The following DCPS variants were observed in gnomAD, a reference collection of about 807,000 sequenced individuals.
DCPS encodes m7GpppX diphosphatase.
A neutral mutation model predicts 34.7 loss-of-function variants in DCPS; 27 were observed. That is an observed-to-expected ratio of 0.78 (90% CI 0.57 to 1.07). The LOEUF (loss-of-function observed/expected upper bound fraction) is 1.07. DCPS is among the 50% of genes least tolerant of loss of function. The probability of loss-of-function intolerance (pLI) is 0.00; values close to 1 mark genes in which losing one functional copy is unlikely to be tolerated. For missense variants in DCPS, 464 were observed against 436.9 expected (o/e 1.06, Z -0.55); for synonymous variants, 185 against 185.7 (o/e 1.00, Z 0.03).
In DCPS at chr11:126,315,033, A is replaced by T. The variant is rs1951647679; in HGVS notation, c.376+8289A>T. On this transcript the variant is annotated intron_variant, in intron 2 of 5. Transcript: ENST00000263579. The surrounding 1 kb of genome is among the most constrained non-coding windows in gnomAD (Gnocchi z 6.1). ...CTCTACCGTAAAGACACATGCACACATATGTTCATTGTAGAGCTATTCATG... is the reference window on the plus strand; with the variant it reads ...CTCTACCGTAAAGACACATGCACACTTATGTTCATTGTAGAGCTATTCATG... Among the ~76,000 whole-genome samples the T allele has an allele frequency of 6.6e-6, 1 of 152,154 alleles. No individual in the cohort carries two copies. Among genetic ancestry groups the T allele is most frequent in the South Asian group, 2.1e-4 (1 of 4,834 alleles).
rs1296639008 is a variant in DCPS, at chr11:126,325,437, A to T, written c.377-5968A>T. 6.6e-6 allele frequency among the ~76,000 whole-genome samples: 1 copy of T among 152,180 alleles called. No individual in the cohort carries two copies. Among genetic ancestry groups the T allele is most frequent in the South Asian group, 2.1e-4 (1 of 4,832 alleles). On this transcript the variant is annotated intron_variant, in intron 2 of 5. Coordinates refer to ENST00000263579, the MANE Select transcript of DCPS (RefSeq NM_014026.6). This position sits in a 1 kb window ranked among gnomAD's most constrained non-coding sequence, Gnocchi z 4.3. ...TGTGTGCATTTGGTGAAGGGATGGT[A>T]AAAAGAGATAAATTCTCATCTTCCT...
At chr11:126,304,573 T>C (rs546036549) in intron 1 of DCPS, among the ~76,000 whole-genome samples, 117 of 152,222 alleles carry the variant, frequency 7.7e-4, no homozygotes, top group Non-Finnish European at 1.3e-3. Flanking sequence ...CCCCAAGCCA[T>C]TCATCATCCA....
chr11:126,322,941 C>T lies in DCPS; in HGVS notation c.377-8464C>T, dbSNP rs143609144. On this transcript the variant is annotated intron_variant, in intron 2 of 5. Coordinates refer to ENST00000263579, the MANE Select transcript of DCPS (RefSeq NM_014026.6). This position sits in a 1 kb window ranked among gnomAD's most constrained non-coding sequence, Gnocchi z 4.2. ...CTCCCGAGTTCAAGTGATTCTCCCA[C>T]TTCACCTTCCCGAGTAGTGGCGACC... Among the ~76,000 whole-genome samples the T allele has an allele frequency of 2.1e-4, 32 of 152,330 alleles. No individual in the cohort carries two copies. The highest frequency in any genetic ancestry group is 6.8e-3 in the Middle Eastern group (2 of 294).
rs1056363047 is a variant in DCPS at position 126,347,483 on chromosome 11, C to A, written c.*1870C>A. On this transcript the variant is annotated 3_prime_UTR_variant, in exon 6 of 6. Transcript: ENST00000263579. The surrounding 1 kb of genome is among the most constrained non-coding windows in gnomAD (Gnocchi z 4.2). The stretch of plus-strand genomic sequence containing the variant: ...AGGTGATCCACCCATCTCGGCCTCC[C>A]AAAGTGCTGGGATTCCAGGCGTGAG... Among the ~76,000 whole-genome samples, 3 of 152,130 alleles carry A rather than the reference C, an allele frequency of 2.0e-5. No individual in the cohort carries two copies. Among genetic ancestry groups the A allele is most frequent in the African/African-American group, 7.2e-5 (3 of 41,430 alleles).
Position 126,337,940 on chromosome 11 carries a change from G to C in DCPS, c.523-346G>C, listed in dbSNP as rs193106749. On this transcript the variant is annotated intron_variant, in intron 3 of 5. Transcript: ENST00000263579. The surrounding 1 kb of genome is among the most constrained non-coding windows in gnomAD (Gnocchi z 5.3). Reference sequence around the variant, plus strand: ...CCCTGAGTCCTGTGAGCGGTGGAGGGGGTCACTGCTATAGAGGGCAGACAC... The same window carrying C: ...CCCTGAGTCCTGTGAGCGGTGGAGGCGGTCACTGCTATAGAGGGCAGACAC... 2 of 248,336 alleles carry C rather than the reference G, an allele frequency of 8.1e-6. No homozygotes were observed. Among genetic ancestry groups the C allele is most frequent in the Admixed American group, 4.9e-5 (1 of 20,478 alleles). The allele number at this position is 248,336 out of a possible 1,614,324, so 15.4% of individuals were successfully genotyped here. A position where few individuals can be genotyped will look rare whatever the true frequency, so the allele number is the denominator to read the frequency against.
intron 2 of DCPS, among the ~76,000 whole-genome samples, chr11:126,314,667 G>A (rs1951644981): frequency 6.6e-6 from 1 of 152,096 alleles, no homozygotes; most frequent in South Asian, 2.1e-4. Context: ...GCCATAAAAA[G>A]GAATGAAATA....
At position 126,312,723 on chromosome 11, in the gene DCPS, G is replaced by A. The variant is rs2135312416; in HGVS notation, c.376+5979G>A. On this transcript the variant is annotated intron_variant, in intron 2 of 5. Transcript: ENST00000263579. This position sits in a 1 kb window ranked among gnomAD's most constrained non-coding sequence, Gnocchi z 5.1. ...CCTGGATTAGGACCCATTAAGAGAA[G>A]GTGTATAGAGCACGTGGCACAGTAG... Among the ~76,000 whole-genome samples, 1 of 152,252 alleles carries A rather than the reference G, an allele frequency of 6.6e-6. No homozygotes were observed. Among genetic ancestry groups the A allele is most frequent in the South Asian group, 2.1e-4 (1 of 4,826 alleles).
chr11:126,345,681 C>A lies in DCPS; in HGVS notation c.*68C>A. 1 of 1,561,110 alleles carries A rather than the reference C, an allele frequency of 6.4e-7. No homozygotes were observed. Among genetic ancestry groups the A allele is most frequent in the Non-Finnish European group, 8.6e-7 (1 of 1,156,590 alleles). On this transcript the variant is annotated 3_prime_UTR_variant, in exon 6 of 6. Coordinates refer to ENST00000263579, the MANE Select transcript of DCPS (RefSeq NM_014026.6). The surrounding 1 kb of genome is among the most constrained non-coding windows in gnomAD (Gnocchi z 7.4). ...GGAGTGGGGACAAGATTTTTTATCT[C>A]CAAGTGAATTTTCTAAAAATGTATT...
At chr11:126,330,198 C>T (rs1052027133) in intron 2 of DCPS, among the ~76,000 whole-genome samples, 2 of 141,114 alleles carry the variant, frequency 1.4e-5, no homozygotes, top group African/African-American at 5.2e-5. Flanking sequence ...TTTCAGGGGA[C>T]ACATTGGCAA....
In DCPS at chr11:126,345,863, C is replaced by A; in HGVS notation, c.*250C>A. The A allele has an allele frequency of 1.7e-6, 1 of 578,070 alleles. No individual in the cohort carries two copies. The highest frequency in any genetic ancestry group is 3.0e-6 in the Non-Finnish European group (1 of 334,562). 35.8% of individuals were successfully genotyped at this position (578,070 alleles called of 1,614,324 possible). ...GAAAGTCTCCAGGTGGTGGTTTCAA[C>A]TGACAGGTGGGAGCTGCCCTGGAAG... On this transcript the variant is annotated 3_prime_UTR_variant, in exon 6 of 6. Coordinates refer to ENST00000263579, the MANE Select transcript of DCPS (RefSeq NM_014026.6). This position sits in a 1 kb window ranked among gnomAD's most constrained non-coding sequence, Gnocchi z 7.4.
At chr11:126,343,746 A>G (rs1235510373) in intron 5 of DCPS, among the ~76,000 whole-genome samples, 2 of 152,118 alleles carry the variant, frequency 1.3e-5, no homozygotes, top group African/African-American at 4.8e-5. Flanking sequence ...AACCATGACA[A>G]CCACATCATG....
At chr11:126,311,705 G>T (rs1951619597) in intron 2 of DCPS, among the ~76,000 whole-genome samples, 2 of 152,204 alleles carry the variant, frequency 1.3e-5, no homozygotes, top group South Asian at 4.1e-4. Context: ...GGGTGGGATG[G>T]TGGCAGGGGT....
In DCPS at chr11:126,349,860, T is replaced by C. The variant is rs1040272523; in HGVS notation, c.*4247T>C. ...CTAAGTTTGTTCTATTATAATATTA[T>C]TGAAATTACATTGAATTCTGAAATC... On this transcript the variant is annotated 3_prime_UTR_variant, in exon 6 of 6. Coordinates refer to ENST00000263579, the MANE Select transcript of DCPS (RefSeq NM_014026.6). This position sits in a 1 kb window ranked among gnomAD's most constrained non-coding sequence, Gnocchi z 5.4. Among the ~76,000 whole-genome samples the C allele has an allele frequency of 2.6e-5, 4 of 152,254 alleles. No individual in the cohort carries two copies. The highest frequency in any genetic ancestry group is 5.9e-5 in the Non-Finnish European group (4 of 68,042).
intron 2 of DCPS, among the ~76,000 whole-genome samples, chr11:126,321,289 A>G (rs1323156527): frequency 6.6e-6 from 1 of 151,564 alleles, no homozygotes; most frequent in East Asian, 1.9e-4. Flanking sequence ...GAAGGGTGAC[A>G]CACCAGGTCT....
At chr11:126,305,630 A>G (rs1158965509) in intron 1 of DCPS, among the ~76,000 whole-genome samples, 2 of 151,632 alleles carry the variant, frequency 1.3e-5, no homozygotes. Flanking sequence ...CATGTTGGCC[A>G]GGCTGGTCTT....
At position 126,331,275 on chromosome 11, in the gene DCPS, A is replaced by G; in HGVS notation, c.377-130A>G. 1 of 1,384,142 alleles carries G rather than the reference A, an allele frequency of 7.2e-7. No homozygotes were observed. The highest frequency in any genetic ancestry group is 1.3e-5 in the South Asian group (1 of 76,138). The allele number at this position is 1,384,142 out of a possible 1,614,324, so 85.7% of individuals were successfully genotyped here. On this transcript the variant is annotated intron_variant, in intron 2 of 5. Coordinates refer to ENST00000263579, the MANE Select transcript of DCPS (RefSeq NM_014026.6). The surrounding 1 kb of genome is among the most constrained non-coding windows in gnomAD (Gnocchi z 7.2). ...CTCTGTGGGAGTGGATCTTGGGTGC[A>G]TGATCCTCTTGGATTTTGGCTTCCC...
Position 126,312,206 on chromosome 11 carries a change from C to T in DCPS, c.376+5462C>T, listed in dbSNP as rs1304421061. On this transcript the variant is annotated intron_variant, in intron 2 of 5. Coordinates refer to ENST00000263579, the MANE Select transcript of DCPS (RefSeq NM_014026.6). The surrounding 1 kb of genome is among the most constrained non-coding windows in gnomAD (Gnocchi z 5.1). ...TCGGCCTCCCAGAGTGCTGAGAGTA[C>T]AGGCGTGAGCCACCGCATCTGGCCA... is the stretch of plus-strand genomic sequence containing the variant. Among the ~76,000 whole-genome samples the T allele has an allele frequency of 6.6e-6, 1 of 152,206 alleles. No homozygotes were observed. The highest frequency in any genetic ancestry group is 1.5e-5 in the Non-Finnish European group (1 of 68,042).
Position 126,312,877 on chromosome 11 carries a change from G to A in DCPS, c.376+6133G>A, listed in dbSNP as rs74931120. 3.0e-3 allele frequency among the ~76,000 whole-genome samples: 462 copies of A among 152,282 alleles called. 2 individuals are homozygous for A. Among genetic ancestry groups the A allele is most frequent in the African/African-American group, 9.7e-3 (404 of 41,548 alleles). On this transcript the variant is annotated intron_variant, in intron 2 of 5. Coordinates refer to ENST00000263579, the MANE Select transcript of DCPS (RefSeq NM_014026.6). The surrounding 1 kb of genome is among the most constrained non-coding windows in gnomAD (Gnocchi z 5.1). ...TGGAAAAGTGACTGGCTCTGCCCAT[G>A]GGTAGGTTTCCTTTCTTCTTCCTGT...
intron 2 of DCPS, among the ~76,000 whole-genome samples, chr11:126,307,568 G>A (rs571967448): frequency 6.6e-6 from 1 of 151,946 alleles, no homozygotes; most frequent in Admixed American, 6.6e-5. Context: ...CCACCACCAC[G>A]CCTGGCTAAT....
Sources: gnomAD v4.1 joint callset for allele counts (sites outside exome capture counted in the v4.1 genomes callset) on GRCh38, gnomAD v4.1.1 for gene constraint, Gnocchi (gnomAD v3.1) non-coding constraint, MANE v1.5 for transcripts, NCBI Gene and HGNC (gene_info 2026-07-23, HGNC 2026-07-21) for gene names.